The following DSCAM variants were observed in gnomAD, a reference collection of about 807,000 sequenced individuals.
The protein encoded by DSCAM is DS cell adhesion molecule, also known as cell adhesion molecule DSCAM.
A neutral mutation model predicts 217.7 loss-of-function variants in DSCAM; 47 were observed. That is an observed-to-expected ratio of 0.22 (90% CI 0.17 to 0.28). The LOEUF (loss-of-function observed/expected upper bound fraction) is 0.28, where lower values mean the gene tolerates loss of function less well. DSCAM is among the 10% of genes least tolerant of loss of function. The pLI, the probability that DSCAM is intolerant of heterozygous loss-of-function variation, is 1.00. For missense variants in DSCAM, 2,080 were observed against 2,618.3 expected, an observed-to-expected ratio of 0.79 and a Z score of 4.49; for synonymous variants, 1,056 against 1,015.3, an observed-to-expected ratio of 1.04 and a Z score of -0.76.
intron 1 of DSCAM, among the ~76,000 whole-genome samples, chr21:40,778,568 A>T (rs6517614): frequency 0.25 from 38,708 of 152,128 alleles, 5,893 homozygotes; most frequent in Non-Finnish European, 0.33. Context: ...CCAAGGTAAC[A>T]TCTAAATAAA....
chr21:40,804,210 C>T (rs1181917545), intron 1 of DSCAM, among the ~76,000 whole-genome samples: 1 of 152,180 alleles, frequency 6.6e-6, no homozygotes, highest in Non-Finnish European at 1.5e-5. Context: ...TGGATGTGGC[C>T]TTGCTGATGG....
intron 1 of DSCAM, among the ~76,000 whole-genome samples, chr21:40,732,596 T>C (rs1168351401): frequency 6.6e-6 from 1 of 152,164 alleles, no homozygotes; most frequent in Non-Finnish European, 1.5e-5. Context: ...CTAAAATAGC[T>C]CATACAATTA....
Position 40,044,062 on chromosome 21 carries a change from C to T in DSCAM, c.5383+16G>A, listed in dbSNP as rs201425340. On this transcript the variant is annotated intron_variant, in intron 31 of 32. Transcript: ENST00000400454. ...TGCTGGTCCCCAGGGACGGAGGAGG[C>T]AGCGTCAGGGCCTACCTGTGTCTTG... The T allele has an allele frequency of 2.5e-6, 4 of 1,612,512 alleles. No individual in the cohort carries two copies. The highest frequency in any genetic ancestry group is 3.4e-6 in the Non-Finnish European group (4 of 1,179,810).
intron 1 of DSCAM, among the ~76,000 whole-genome samples, chr21:40,827,126 G>A (rs1383639879): frequency 6.6e-6 from 1 of 152,116 alleles, no homozygotes; most frequent in Non-Finnish European, 1.5e-5. Flanking sequence ...AGCCAGTGAG[G>A]CAGAGGGAAA....
intron 32 of DSCAM, 133 bp from the exon 33 acceptor site, chr21:40,013,519 A>T (rs2088100963): frequency 1.8e-5 from 11 of 609,248 alleles, no homozygotes; most frequent in Non-Finnish European, 2.9e-5. Flanking sequence ...CTTTCTCAAG[A>T]TCCTCCTTCA....
chr21:40,485,334 C>G (rs1350586372), intron 3 of DSCAM, among the ~76,000 whole-genome samples: 1 of 151,290 alleles, frequency 6.6e-6, no homozygotes, highest in East Asian at 1.9e-4. Flanking sequence ...GCTCCGCCTC[C>G]CAGGTTCACG....
intron 3 of DSCAM, among the ~76,000 whole-genome samples, chr21:40,473,197 A>C (rs1465637591): frequency 6.6e-6 from 1 of 152,230 alleles, no homozygotes; most frequent in Non-Finnish European, 1.5e-5. Flanking sequence ...TAAAAACTAA[A>C]GGAGAGCAGA....
intron 16 of DSCAM, among the ~76,000 whole-genome samples, chr21:40,155,187 G>A (rs1004808107): frequency 5.9e-5 from 9 of 152,174 alleles, no homozygotes; most frequent in African/African-American, 2.2e-4. Context: ...ACCAGCCACA[G>A]AGGCCTATCA....
chr21:40,533,541 C>CCATT (rs2076467245), intron 3 of DSCAM, among the ~76,000 whole-genome samples: 1 of 17,122 alleles, frequency 5.8e-5, no homozygotes, highest in East Asian at 1.6e-3. Context: ...ATCCATCCAT[C>CCATT]CATTCATCCA....
chr21:40,227,772 A>G (rs1798887009), intron 11 of DSCAM, among the ~76,000 whole-genome samples: 1 of 152,228 alleles, frequency 6.6e-6, no homozygotes, highest in African/African-American at 2.4e-5. Context: ...CTCCACATCC[A>G]GTTCCTCCAT....
At chr21:40,145,227 C>A (rs1378510490) in intron 16 of DSCAM, among the ~76,000 whole-genome samples, 2 of 152,078 alleles carry the variant, frequency 1.3e-5, no homozygotes, top group African/African-American at 4.8e-5. Flanking sequence ...GTTCCAGGCA[C>A]CAGGGAATAG....
chr21:40,036,187 GA>G (rs1195858441), intron 32 of DSCAM, among the ~76,000 whole-genome samples: 1 of 145,786 alleles, frequency 6.9e-6, no homozygotes, highest in African/African-American at 2.7e-5. Flanking sequence ...GAAGGAAATA[GA>G]GACACAAAAA....
At chr21:40,371,992 TAAAAC>T (rs1205579711) in intron 3 of DSCAM, among the ~76,000 whole-genome samples, 10 of 152,196 alleles carry the variant, frequency 6.6e-5, no homozygotes, top group Admixed American at 5.9e-4. Context: ...ATCAACATTT[TAAAAC>T]ATAAAATAAG....
At chr21:40,056,726 G>A (rs1420505361) in intron 28 of DSCAM, among the ~76,000 whole-genome samples, 2 of 152,154 alleles carry the variant, frequency 1.3e-5, no homozygotes, top group African/African-American at 4.8e-5. Flanking sequence ...TCCAATCAAT[G>A]GCATAATCTA....
At chr21:40,489,240 A>G (rs1427186074) in intron 3 of DSCAM, among the ~76,000 whole-genome samples, 1 of 152,180 alleles carries the variant, frequency 6.6e-6, no homozygotes, top group Non-Finnish European at 1.5e-5. Context: ...GGGTGACCTC[A>G]TCCAATCAGT....
chr21:40,698,331 G>A (rs991238266), intron 2 of DSCAM, among the ~76,000 whole-genome samples: 4 of 152,158 alleles, frequency 2.6e-5, no homozygotes, highest in South Asian at 2.1e-4. Context: ...GAATGTAGAC[G>A]AGGGGTCAGC....
chr21:40,149,425 TCCCAACACCAA>T (rs2090396781), intron 16 of DSCAM, among the ~76,000 whole-genome samples: 8 of 133,120 alleles, frequency 6.0e-5, no homozygotes, highest in Non-Finnish European at 1.2e-4. Context: ...TCCATCACTA[TCCCAACACCAA>T]TACCACTGTC....
At chr21:40,755,306 C>A (rs560281602) in intron 1 of DSCAM, among the ~76,000 whole-genome samples, 1 of 151,892 alleles carries the variant, frequency 6.6e-6, no homozygotes, top group African/African-American at 2.4e-5. Flanking sequence ...ATTAGCTGGG[C>A]GTGGTGGTGC....
intron 1 of DSCAM, among the ~76,000 whole-genome samples, chr21:40,768,071 T>C (rs1029486293): frequency 6.6e-6 from 1 of 152,262 alleles, no homozygotes; most frequent in Non-Finnish European, 1.5e-5. Flanking sequence ...AGTTGACTAA[T>C]ATAGGCAAAC....
Sources: allele counts gnomAD v4.1 joint callset (sites outside exome capture counted in the v4.1 genomes callset), GRCh38; gene constraint gnomAD v4.1.1; transcripts MANE v1.5; gene names NCBI Gene and HGNC (gene_info 2026-07-23, HGNC 2026-07-21).